Variants in PI4K2A observed in about 807,000 individuals in gnomAD.
PI4K2A encodes the protein phosphatidylinositol 4-kinase type 2 alpha, also known as phosphatidylinositol 4-kinase type 2-alpha.
In PI4K2A, 20 loss-of-function variants were observed where a neutral mutation model predicts 55.0. The ratio of observed to expected loss-of-function variants is 0.36; its 90% CI spans 0.26 to 0.53. The LOEUF (loss-of-function observed/expected upper bound fraction) is 0.53. Among genes scored for constraint, PI4K2A ranks in the 20% least tolerant of loss-of-function variants. The pLI, the probability that PI4K2A is intolerant of heterozygous loss-of-function variation, is 0.91. For missense variants in PI4K2A, 463 were observed against 637.1 expected (o/e 0.73, Z 2.94); for synonymous variants, 235 against 258.5 (o/e 0.91, Z 0.87).
rs192105509 is a variant in PI4K2A, at chr10:97,657,258, C to T, written c.922+284C>T. On this transcript the variant is annotated intron_variant, in intron 4 of 8. Coordinates refer to ENST00000370631, the Ensembl canonical transcript of PI4K2A. ...AAGACCTGTAACAGGACAGTTTTGT[C>T]TTCCTCTGACTTCTTGAGGTAGATG... is the stretch of plus-strand genomic sequence containing the variant. Among the ~76,000 whole-genome samples the T allele has an allele frequency of 7.0e-4, 107 of 152,276 alleles. 1 individual carries two copies. The highest frequency in any genetic ancestry group is 3.5e-3 in the Admixed American group (53 of 15,304).
chr10:97,658,820 A>C lies in PI4K2A; in HGVS notation c.922+1846A>C, dbSNP rs1267452801. On this transcript the variant is annotated intron_variant, in intron 4 of 8. Transcript: ENST00000370631. ...TTATAGTTTTGATTTGCATTTCCTT[A>C]ATGATTAGTGATGGTAAGCATCTTC... is the stretch of plus-strand genomic sequence containing the variant. Among the ~76,000 whole-genome samples the C allele has an allele frequency of 2.0e-5, 3 of 152,140 alleles. No homozygotes were observed. The East Asian group carries it at 5.8e-4, about 29-fold the overall frequency.
intron 1 of PI4K2A, among the ~76,000 whole-genome samples, chr10:97,646,691 C>T (rs1254163745): frequency 1.3e-5 from 2 of 152,178 alleles, no homozygotes. Flanking sequence ...GAAAGGACCT[C>T]TTTTAGCATA....
chr10:97,670,123 C>G (rs952546282), intron 8 of PI4K2A, among the ~76,000 whole-genome samples: 1 of 152,088 alleles, frequency 6.6e-6, no homozygotes, highest in African/African-American at 2.4e-5. Context: ...TGGTCTCAAA[C>G]TCCTGGCCTC....
chr10:97,653,684 A>G (rs548173099), intron 2 of PI4K2A, among the ~76,000 whole-genome samples: 70 of 152,374 alleles, frequency 4.6e-4, no homozygotes, highest in African/African-American at 1.5e-3. Context: ...TGGGAGGCCT[A>G]AGTGGGTGGA....
chr10:97,642,535 G>A (rs2041475416), intron 1 of PI4K2A, among the ~76,000 whole-genome samples: 1 of 151,658 alleles, frequency 6.6e-6, no homozygotes, highest in African/African-American at 2.4e-5. Context: ...TGAGTGGCTG[G>A]GACTACAGGC....
At chr10:97,662,952 A>T in exon 5 of PI4K2A, 1 of 1,601,222 alleles carries the variant, frequency 6.2e-7, no homozygotes, top group Non-Finnish European at 8.6e-7. Context: ...TGTCCAATGG[A>T]TAGTTCTAGC....
At chr10:97,675,872 A>G (rs1046237) in exon 9 of PI4K2A, 72,250 of 152,478 alleles carry the variant, frequency 0.47, 18,247 homozygotes, top group African/African-American at 0.66. Context: ...GAGGCTTCTG[A>G]GTGGCACTCA....
intron 8 of PI4K2A, 35 bp from the exon 9 acceptor site, chr10:97,673,546 C>T (rs376690826): frequency 4.5e-6 from 7 of 1,560,222 alleles, no homozygotes; most frequent in Non-Finnish European, 6.2e-6. Context: ...AATGCTGAGG[C>T]CTCTCCCTCA....
chr10:97,663,197 GAACAT>G (rs1402301371), intron 5 of PI4K2A, among the ~76,000 whole-genome samples: 1 of 152,154 alleles, frequency 6.6e-6, no homozygotes, highest in African/African-American at 2.4e-5. Flanking sequence ...AGTAAATTTG[GAACAT>G]ATTATGTACT....
rs148392348 is a variant in PI4K2A, at chr10:97,651,265, C to T, written c.636+124C>T. The T allele has an allele frequency of 6.3e-4, 421 of 671,166 alleles. 3 individuals carry two copies. The African/African-American group carries it at 7.1e-3, about 11-fold the overall frequency. The allele number at this position is 671,166 out of a possible 1,614,324, so 41.6% of individuals were successfully genotyped here. A position where few individuals can be genotyped will look rare whatever the true frequency, so the allele number is the denominator to read the frequency against. ...CATTTATACCCTAAGTCTGGGTTCTCGATCTTTTTTCGGGAGGATGGCAGG... is the reference window on the plus strand; with the variant it reads ...CATTTATACCCTAAGTCTGGGTTCTTGATCTTTTTTCGGGAGGATGGCAGG... On this transcript the variant is annotated intron_variant, in intron 2 of 8. Transcript: ENST00000370631.
At chr10:97,645,020 TAC>T (rs2041498282) in intron 1 of PI4K2A, among the ~76,000 whole-genome samples, 1 of 152,126 alleles carries the variant, frequency 6.6e-6, no homozygotes. Context: ...GGGGAGAGTA[TAC>T]ACATACCCCC....
intron 5 of PI4K2A, 118 bp from the exon 6 acceptor site, chr10:97,664,767 A>G (rs543179590): frequency 1.5e-6 from 1 of 670,758 alleles, no homozygotes; most frequent in East Asian, 2.7e-5. Context: ...GAGTAGCTCA[A>G]GATAAGTTCA....
At chr10:97,647,683 C>A (rs958007577) in intron 1 of PI4K2A, among the ~76,000 whole-genome samples, 1 of 152,186 alleles carries the variant, frequency 6.6e-6, no homozygotes, top group African/African-American at 2.4e-5. Context: ...CCCCTTCTGT[C>A]TGAATGCCCT....
At chr10:97,661,171 T>G (rs1360419958) in intron 4 of PI4K2A, among the ~76,000 whole-genome samples, 1 of 151,942 alleles carries the variant, frequency 6.6e-6, no homozygotes, top group Non-Finnish European at 1.5e-5. Context: ...TTTTGTATTT[T>G]TAGTAGAGAC....
At chr10:97,651,742 T>C (rs1429565796) in intron 2 of PI4K2A, among the ~76,000 whole-genome samples, 1 of 152,224 alleles carries the variant, frequency 6.6e-6, no homozygotes, top group African/African-American at 2.4e-5. Flanking sequence ...GTATGTGTTA[T>C]AGACATAGTT....
intron 8 of PI4K2A, among the ~76,000 whole-genome samples, chr10:97,670,796 C>G (rs1350079045): frequency 6.6e-6 from 1 of 152,108 alleles, no homozygotes; most frequent in African/African-American, 2.4e-5. Context: ...CTAGCTTACC[C>G]CTCCATGTTC....
Position 97,656,708 on chromosome 10 carries a change from T to G in PI4K2A, c.769-113T>G. 1 of 962,078 alleles carries G rather than the reference T, an allele frequency of 1.0e-6. No homozygotes were observed. The highest frequency in any genetic ancestry group is 1.6e-6 in the Non-Finnish European group (1 of 624,882). The allele number at this position is 962,078 out of a possible 1,614,324, so 59.6% of individuals were successfully genotyped here. A position where few individuals can be genotyped will look rare whatever the true frequency, so the allele number is the denominator to read the frequency against. ...GAGGAAGTAAAGATCTTGAAAAGTT[T>G]TCCTTCTCTGATACAAACTCCATAG... On this transcript the variant is annotated intron_variant, in intron 3 of 8. Coordinates refer to ENST00000370631, the Ensembl canonical transcript of PI4K2A. The surrounding 1 kb of genome is among the most constrained non-coding windows in gnomAD (Gnocchi z 4.5).
exon 6 of PI4K2A, chr10:97,664,897 G>C: frequency 6.2e-7 from 1 of 1,613,348 alleles, no homozygotes; most frequent in Non-Finnish European, 8.5e-7. Flanking sequence ...CACAGACTGG[G>C]TGGTGGTGAA....
chr10:97,653,118 G>T (rs1311916489), intron 2 of PI4K2A, among the ~76,000 whole-genome samples: 1 of 152,072 alleles, frequency 6.6e-6, no homozygotes, highest in Non-Finnish European at 1.5e-5. Context: ...CTTCTACTAG[G>T]CTCCTCTTAG....
Sources: allele counts gnomAD v4.1 joint callset (sites outside exome capture counted in the v4.1 genomes callset), GRCh38; gene constraint gnomAD v4.1.1; non-coding constraint Gnocchi (gnomAD v3.1); transcripts MANE v1.5; gene names NCBI Gene and HGNC (gene_info 2026-07-23, HGNC 2026-07-21).